The following DENND1A variants were observed in gnomAD, a reference collection of about 807,000 sequenced individuals.
The protein encoded by DENND1A is DENN domain containing 1A.
In DENND1A, 51 loss-of-function variants were observed where a neutral mutation model predicts 113.7. The ratio of observed to expected loss-of-function variants is 0.45; its 90% CI spans 0.36 to 0.57. The LOEUF is 0.57. DENND1A is among the 20% of genes least tolerant of loss of function. DENND1A has a pLI of 0.00. For synonymous variants in DENND1A, 565 were observed against 570.8 expected (o/e 0.99, Z 0.14); for missense variants, 1,258 against 1,395.9 (o/e 0.90, Z 1.57).
Position 123,381,353 on chromosome 9 carries a change from G to C in DENND1A, c.*79C>G. 1 of 1,377,720 alleles carries C rather than the reference G, an allele frequency of 7.3e-7. No homozygotes were observed. The highest frequency in any genetic ancestry group is 1.0e-6 in the Non-Finnish European group (1 of 998,348). 85.3% of individuals were successfully genotyped at this position (1,377,720 alleles called of 1,614,324 possible). A position where few individuals can be genotyped will look rare whatever the true frequency, so the allele number is the denominator to read the frequency against. On this transcript the variant is annotated 3_prime_UTR_variant, in exon 24 of 24. Coordinates refer to ENST00000394215, the MANE Select transcript of DENND1A (RefSeq NM_001352964.2). This position sits in a 1 kb window ranked among gnomAD's most constrained non-coding sequence, Gnocchi z 4.7. Reference sequence around the variant, plus strand: ...CACCAGCAGAACCTGGGCAGAGAGAGAGTGGCGGGGGAGCCTCGGAACCGC... The same window carrying C: ...CACCAGCAGAACCTGGGCAGAGAGACAGTGGCGGGGGAGCCTCGGAACCGC...
rs137995846 is a variant in DENND1A, at chr9:123,505,702, G to A, written c.994-47805C>T. Among the ~76,000 whole-genome samples the A allele has an allele frequency of 4.7e-3, 720 of 152,220 alleles. 5 individuals are homozygous for A. Among genetic ancestry groups the A allele is most frequent in the African/African-American group, 0.017 (694 of 41,514 alleles). ...CTGAGCTTTATGGCTGAACCGGAAC[G>A]TGAAATATTCCATTACACAACCGTT... is the stretch of plus-strand genomic sequence containing the variant. On this transcript the variant is annotated intron_variant, in intron 13 of 23. Coordinates refer to ENST00000394215, the MANE Select transcript of DENND1A (RefSeq NM_001352964.2).
intron 1 of DENND1A, among the ~76,000 whole-genome samples, chr9:123,884,453 T>A (rs1286028727): frequency 2.0e-5 from 3 of 152,110 alleles, no homozygotes; most frequent in Admixed American, 6.5e-5. Context: ...TGATATCCCA[T>A]TATTAATTGT....
At chr9:123,665,411 G>A (rs1290014880) in intron 8 of DENND1A, among the ~76,000 whole-genome samples, 2 of 152,030 alleles carry the variant, frequency 1.3e-5, no homozygotes. Flanking sequence ...ACTCTGGTCT[G>A]AATTTTTTAT....
intron 5 of DENND1A, among the ~76,000 whole-genome samples, chr9:123,730,350 A>G (rs2068066905): frequency 6.6e-6 from 1 of 152,228 alleles, no homozygotes; most frequent in African/African-American, 2.4e-5. Context: ...AATTTTTGCA[A>G]TCTATCCATC....
intron 1 of DENND1A, among the ~76,000 whole-genome samples, chr9:123,892,241 G>T (rs1011688844): frequency 2.0e-5 from 3 of 152,156 alleles, no homozygotes; most frequent in Admixed American, 2.0e-4. Flanking sequence ...ATTCCCCCCA[G>T]CCGAAGTGGA....
rs567385980 is a variant in DENND1A, at chr9:123,422,843, C to T, written c.1489-11014G>A. On this transcript the variant is annotated intron_variant, in intron 19 of 23. Transcript: ENST00000394215. The surrounding 1 kb of genome is among the most constrained non-coding windows in gnomAD (Gnocchi z 4.8). ...TGGCGTACGCCCTTGTAATGATCAG[C>T]TCTGGTCGATGTGCTTACCGCAGCA... Among the ~76,000 whole-genome samples the T allele has an allele frequency of 2.0e-5, 3 of 152,168 alleles. No homozygotes were observed. The highest frequency in any genetic ancestry group is 1.9e-4 in the East Asian group (1 of 5,194).
At chr9:123,807,661 A>G (rs1225007266) in intron 2 of DENND1A, among the ~76,000 whole-genome samples, 1 of 152,218 alleles carries the variant, frequency 6.6e-6, no homozygotes, top group Admixed American at 6.5e-5. Flanking sequence ...ATTGAATTCT[A>G]TCTGAATTGC....
chr9:123,399,158 T>A (rs372076488), intron 21 of DENND1A, among the ~76,000 whole-genome samples: 3 of 151,944 alleles, frequency 2.0e-5, no homozygotes, highest in Admixed American at 2.0e-4. Context: ...GTAGCCGTCG[T>A]CCCCACCAGT....
chr9:123,794,994 A>T (rs1224010063), intron 2 of DENND1A, among the ~76,000 whole-genome samples: 3 of 152,182 alleles, frequency 2.0e-5, no homozygotes, highest in Admixed American at 2.0e-4. Flanking sequence ...CTCTACAATG[A>T]AATTACCAGG....
At chr9:123,809,703 C>T (rs1341250474) in intron 2 of DENND1A, among the ~76,000 whole-genome samples, 1 of 152,182 alleles carries the variant, frequency 6.6e-6, no homozygotes. Flanking sequence ...TGCCTTCTTG[C>T]TCTGTCACCC....
In DENND1A at chr9:123,930,082, T is replaced by A. The variant is rs866820027; in HGVS notation, c.-177A>T. On this transcript the variant is annotated 5_prime_UTR_variant, in exon 1 of 24. Coordinates refer to ENST00000394215, the MANE Select transcript of DENND1A (RefSeq NM_001352964.2). ...CGCCGCCGCCGCCTCCAGGGGTTAA[T>A]GTACTCGCTCCAGCCCGGCGAACGC... 5.0e-6 allele frequency: 1 copy of A among 200,852 alleles called. No homozygotes were observed. Among genetic ancestry groups the A allele is most frequent in the East Asian group, 1.0e-4 (1 of 9,536 alleles). 12.4% of individuals were successfully genotyped at this position (200,852 alleles called of 1,614,324 possible).
At chr9:123,582,009 T>C (rs1435437492) in intron 12 of DENND1A, among the ~76,000 whole-genome samples, 1 of 152,210 alleles carries the variant, frequency 6.6e-6, no homozygotes, top group Non-Finnish European at 1.5e-5. Flanking sequence ...AGGCAGATGT[T>C]AGCATGGCAA....
At chr9:123,565,461 C>T (rs565125941) in intron 12 of DENND1A, among the ~76,000 whole-genome samples, 15 of 152,308 alleles carry the variant, frequency 9.8e-5, no homozygotes, top group Admixed American at 5.9e-4. Flanking sequence ...CTGGGTGTCA[C>T]AGTTGGAGTT....
intron 18 of DENND1A, among the ~76,000 whole-genome samples, chr9:123,447,996 G>A (rs952796323): frequency 6.6e-6 from 1 of 152,182 alleles, no homozygotes; most frequent in Non-Finnish European, 1.5e-5. Flanking sequence ...CTGTACGACC[G>A]AAGGGGGGAA....
chr9:123,672,173 G>A (rs910414761), intron 6 of DENND1A, among the ~76,000 whole-genome samples: 4 of 152,204 alleles, frequency 2.6e-5, no homozygotes, highest in Non-Finnish European at 5.9e-5. Flanking sequence ...CACAGCTAAA[G>A]GGTGAAATGC....
chr9:123,615,975 G>A (rs1292484940), intron 10 of DENND1A, among the ~76,000 whole-genome samples: 1 of 152,126 alleles, frequency 6.6e-6, no homozygotes, highest in Non-Finnish European at 1.5e-5. Context: ...TGTTGCCCAG[G>A]CTAGAGTGCA....
At chr9:123,669,303 T>C (rs1193394917) in intron 7 of DENND1A, among the ~76,000 whole-genome samples, 1 of 151,968 alleles carries the variant, frequency 6.6e-6, no homozygotes, top group Non-Finnish European at 1.5e-5. Context: ...GAATTCCCAG[T>C]GAAAAGGAAA....
intron 13 of DENND1A, among the ~76,000 whole-genome samples, chr9:123,484,841 T>C (rs899442335): frequency 6.6e-6 from 1 of 152,184 alleles, no homozygotes; most frequent in Non-Finnish European, 1.5e-5. Flanking sequence ...ACACTGGCCA[T>C]GGAGCCCAGC....
At chr9:123,654,815 G>A (rs980746821) in intron 8 of DENND1A, among the ~76,000 whole-genome samples, 8 of 152,178 alleles carry the variant, frequency 5.3e-5, no homozygotes, top group African/African-American at 1.4e-4. Context: ...CCGCCTGAGC[G>A]GGTGGGAGTG....
Sources: allele counts gnomAD v4.1 joint callset (sites outside exome capture counted in the v4.1 genomes callset), GRCh38; gene constraint gnomAD v4.1.1; non-coding constraint Gnocchi (gnomAD v3.1); transcripts MANE v1.5; gene names NCBI Gene and HGNC (gene_info 2026-07-23, HGNC 2026-07-21).